OR51B5: variants seen among roughly 807,000 people sequenced by gnomAD.
OR51B5 encodes olfactory receptor 51B5.
For missense variants in OR51B5, 456 were observed against 374.6 expected (o/e 1.22, Z -1.79); for synonymous variants, 186 against 144.8 (o/e 1.28, Z -2.04).
chr11:5,449,627 G>T (rs1245805403), intron 1 of OR51B5, among the ~76,000 whole-genome samples: 1 of 152,146 alleles, frequency 6.6e-6, no homozygotes, highest in African/African-American at 2.4e-5. Context: ...ATTTCTCTGT[G>T]ACTCCAAGTT....
At chr11:5,406,939 T>C (rs888043482) in intron 1 of OR51B5, among the ~76,000 whole-genome samples, 2 of 152,062 alleles carry the variant, frequency 1.3e-5, no homozygotes, top group Admixed American at 6.5e-5. Flanking sequence ...CTCAAATGCA[T>C]AATGACAGTG....
At chr11:5,374,841 T>C (rs367559467) in intron 1 of OR51B5, among the ~76,000 whole-genome samples, 2 of 152,088 alleles carry the variant, frequency 1.3e-5, no homozygotes, top group African/African-American at 2.4e-5. Flanking sequence ...TGTGAAAAGA[T>C]CAAATCTAGG....
intron 1 of OR51B5, chr11:5,389,778 T>C (rs377601269): frequency 6.2e-7 from 1 of 1,613,998 alleles, no homozygotes; most frequent in Admixed American, 1.7e-5. Context: ...TCCTCAGTGC[T>C]CCTCATGATG....
chr11:5,427,788 C>T lies in OR51B5; in HGVS notation n.84+77781G>A, dbSNP rs914654611. On this transcript the variant is annotated intron_variant and non_coding_transcript_variant, in intron 1 of 4. Transcript: ENST00000415970. ...TGTTTTTCTACCATTATATTTCATA[C>T]GGGAATGATATTAGAAAATAAAAAC... Among the ~76,000 whole-genome samples, 36 of 151,996 alleles carry T rather than the reference C, an allele frequency of 2.4e-4. 4 individuals carry two copies. Among genetic ancestry groups the T allele is most frequent in the Admixed American group, 1.4e-3 (21 of 15,266 alleles).
At chr11:5,441,630 A>G in intron 1 of OR51B5, 2 of 760,106 alleles carry the variant, frequency 2.6e-6, no homozygotes, top group Non-Finnish European at 4.2e-6. Context: ...GATTGCCTGT[A>G]TTCCTGCCTT....
At chr11:5,403,401 C>A (rs1200667402) in intron 1 of OR51B5, 3 of 471,334 alleles carry the variant, frequency 6.4e-6, no homozygotes, top group African/African-American at 2.0e-5. Context: ...CCTTGGACAT[C>A]GTGTGTCCCC....
intron 1 of OR51B5, among the ~76,000 whole-genome samples, chr11:5,406,434 C>A (rs1398074731): frequency 6.6e-6 from 1 of 152,132 alleles, no homozygotes; most frequent in East Asian, 1.9e-4. Context: ...ATCTTGGAAT[C>A]TCTTGGTGTC....
intron 1 of OR51B5, chr11:5,431,235 G>T (rs766541409): frequency 3.8e-5 from 13 of 342,740 alleles, no homozygotes; most frequent in East Asian, 7.5e-5. Context: ...CTACAAAGCG[G>T]TCATAGCTCA....
chr11:5,464,366 C>T (rs949659997), intron 1 of OR51B5, among the ~76,000 whole-genome samples: 12 of 151,980 alleles, frequency 7.9e-5, no homozygotes, highest in Admixed American at 3.9e-4. Context: ...TATACATGTG[C>T]CATGCTGGTG....
intron 1 of OR51B5, among the ~76,000 whole-genome samples, chr11:5,388,823 C>T (rs897279361): frequency 1.1e-4 from 16 of 151,790 alleles, no homozygotes; most frequent in African/African-American, 3.6e-4. Context: ...ATGAAGGTGA[C>T]GGTGAGTAAA....
chr11:5,470,779 T>C (rs1851216851), intron 1 of OR51B5, among the ~76,000 whole-genome samples: 1 of 152,190 alleles, frequency 6.6e-6, no homozygotes, highest in Non-Finnish European at 1.5e-5. Flanking sequence ...GCTGGTTTCC[T>C]CTCTCCATCT....
At chr11:5,405,430 A>G (rs1441443364) in intron 1 of OR51B5, among the ~76,000 whole-genome samples, 1 of 152,184 alleles carries the variant, frequency 6.6e-6, no homozygotes, top group African/African-American at 2.4e-5. Context: ...AGTAGAATTT[A>G]TTGAGCATAC....
intron 1 of OR51B5, chr11:5,352,227 C>A (rs539691387): frequency 1.2e-6 from 2 of 1,614,166 alleles, no homozygotes; most frequent in Non-Finnish European, 8.5e-7. Flanking sequence ...ACACATGTGT[C>A]TCTCATATCT....
chr11:5,500,027 G>T (rs420405), intron 1 of OR51B5, among the ~76,000 whole-genome samples: 150,691 of 152,330 alleles, frequency 0.99, 74,559 homozygotes, highest in East Asian at 1. Flanking sequence ...CCTAGCCTAG[G>T]GGTATAAGAG....
At chr11:5,481,906 A>G (rs1349263792) in intron 1 of OR51B5, among the ~76,000 whole-genome samples, 1 of 140,600 alleles carries the variant, frequency 7.1e-6, no homozygotes, top group East Asian at 2.2e-4. Context: ...GGAAGAATCA[A>G]TATCATGAAA....
intron 1 of OR51B5, chr11:5,352,160 T>G: frequency 1.9e-6 from 3 of 1,614,214 alleles, no homozygotes; most frequent in South Asian, 1.1e-5. Flanking sequence ...TCCTACATTT[T>G]GATTCTCAAG....
chr11:5,471,957 C>G (rs1007224874), intron 1 of OR51B5, among the ~76,000 whole-genome samples: 1 of 152,120 alleles, frequency 6.6e-6, no homozygotes, highest in Non-Finnish European at 1.5e-5. Context: ...CATTGAGGGG[C>G]TGAAAGTTCC....
At position 5,364,128 on chromosome 11, in the gene OR51B5, A is replaced by G. The variant is rs575999178; in HGVS notation, n.85-17218T>C. On this transcript the variant is annotated intron_variant and non_coding_transcript_variant, in intron 1 of 4. Transcript: ENST00000415970. Reference sequence around the variant, plus strand: ...TCAATAAAGGAAGAGGTATCTCAACACTAAAGAAAGAGTAAAATTTTCAGG... The same window carrying G: ...TCAATAAAGGAAGAGGTATCTCAACGCTAAAGAAAGAGTAAAATTTTCAGG... Among the ~76,000 whole-genome samples, 4 of 152,360 alleles carry G rather than the reference A, an allele frequency of 2.6e-5. No individual in the cohort carries two copies. The South Asian group carries it at 8.3e-4, about 32-fold the overall frequency.
chr11:5,425,433 A>T (rs1049106126), intron 1 of OR51B5, among the ~76,000 whole-genome samples: 2 of 152,240 alleles, frequency 1.3e-5, no homozygotes, highest in Non-Finnish European at 2.9e-5. Context: ...ATGAAGATTA[A>T]ATCAAGTAGT....
Sources: allele counts gnomAD v4.1 joint callset (sites outside exome capture counted in the v4.1 genomes callset), GRCh38; gene constraint gnomAD v4.1.1; transcripts MANE v1.5; gene names NCBI Gene and HGNC (gene_info 2026-07-23, HGNC 2026-07-21).